The following GAS6 variants were observed in gnomAD, a reference collection of about 807,000 sequenced individuals.
GAS6 encodes the protein growth arrest specific 6.
Under a neutral mutation model 75.8 loss-of-function variants are expected in GAS6, and 41 were observed. The ratio of observed to expected loss-of-function variants is 0.54; its 90% confidence interval spans 0.42 to 0.70. GAS6 has a LOEUF of 0.70. GAS6 is among the 30% of genes least tolerant of loss of function. GAS6 has a pLI of 0.00. For missense variants in GAS6, 854 were observed against 940.2 expected, an observed-to-expected ratio of 0.91 and a Z score of 1.20; for synonymous variants, 432 against 412.6, an observed-to-expected ratio of 1.05 and a Z score of -0.57.
In GAS6 at chr13:113,834,438, C is replaced by A. The variant is rs937619457; in HGVS notation, c.834+113G>T. 46 of 1,132,940 alleles carry A rather than the reference C, an allele frequency of 4.1e-5. No homozygotes were observed. The South Asian group carries it at 5.0e-4, about 12-fold the overall frequency. 70.2% of individuals were successfully genotyped at this position (1,132,940 alleles called of 1,614,324 possible). Reference sequence around the variant, plus strand: ...AAACCTCCACATGGCCCTGGAGATCCCCAACACCTTAGCAAAGGCCAGGTC... The same window carrying A: ...AAACCTCCACATGGCCCTGGAGATCACCAACACCTTAGCAAAGGCCAGGTC... On this transcript the variant is annotated intron_variant, in intron 8 of 14. Coordinates refer to ENST00000327773, the MANE Select transcript of GAS6 (RefSeq NM_000820.4).
rs761345030 is a variant in GAS6, at chr13:113,828,556, G to A, written c.1299C>T (p.Leu433=). Residue 433 remains leucine (L), a synonymous_variant, in exon 11 of 15, where the codon CTC becomes CTT. Transcript: ENST00000327773. ...VGGIPFHEKD[L]VQPINPRLDG... ...CAGGTACAGTACTCACAGGCTGCAC[G>A]AGGTCCTTCTCATGGAAGGGAATAC... The A allele has an allele frequency of 1.1e-5, 17 of 1,613,150 alleles. No homozygotes were observed. Among genetic ancestry groups the A allele is most frequent in the Admixed American group, 3.3e-5 (2 of 59,958 alleles).
intron 10 of GAS6, 79 bp downstream of exon 10, chr13:113,832,220 T>C (rs1464456035): frequency 4.0e-5 from 59 of 1,467,616 alleles, no homozygotes; most frequent in Non-Finnish European, 4.0e-5. Flanking sequence ...CTCCTAACGG[T>C]TGCATAAGCG....
At position 113,828,538 on chromosome 13, in the gene GAS6, A is replaced by G. The variant is rs759948442; in HGVS notation, c.1308+9T>C. 7 of 1,612,466 alleles carry G rather than the reference A, an allele frequency of 4.3e-6. No homozygotes were observed. The highest frequency in any genetic ancestry group is 1.3e-5 in the African/African-American group (1 of 75,040). Reference sequence around the variant, plus strand: ...GGCGCGTCTACACAGGGACAGGTACAGTACTCACAGGCTGCACGAGGTCCT... The same window carrying G: ...GGCGCGTCTACACAGGGACAGGTACGGTACTCACAGGCTGCACGAGGTCCT... On this transcript the variant is annotated intron_variant, in intron 11 of 14. Coordinates refer to ENST00000327773, the MANE Select transcript of GAS6 (RefSeq NM_000820.4).
rs1034049071 is a variant in GAS6, at chr13:113,863,514, G to A, written c.255+61C>T. On this transcript the variant is annotated intron_variant, in intron 2 of 14. Transcript: ENST00000327773. This position sits in a 1 kb window ranked among gnomAD's most constrained non-coding sequence, Gnocchi z 9.4. ...GGGCGGCAGCAGCGCTGCCTCTCGG[G>A]AGCGGTTGGAGGCGCGCGGGCGCCA... 1.4e-5 allele frequency: 20 copies of A among 1,445,680 alleles called. No individual in the cohort carries two copies. Among genetic ancestry groups the A allele is most frequent in the Admixed American group, 2.6e-5 (1 of 38,184 alleles). The allele number at this position is 1,445,680 out of a possible 1,614,324, so 89.6% of individuals were successfully genotyped here. A position where few individuals can be genotyped will look rare whatever the true frequency, so the allele number is the denominator to read the frequency against.
At chr13:113,841,578 CCATA>C (rs1566366950) in intron 4 of GAS6, 1 of 163,584 alleles carries the variant, frequency 6.1e-6, no homozygotes, top group Non-Finnish European at 1.3e-5. Flanking sequence ...ACAGTTTCCT[CCATA>C]CGCCCCACAG....
At position 113,832,713 on chromosome 13, in the gene GAS6, C is replaced by A; in HGVS notation, c.874G>T (p.Val292Leu). The A allele has an allele frequency of 6.2e-7, 1 of 1,612,776 alleles. No individual in the cohort carries two copies. Among genetic ancestry groups the A allele is most frequent in the Non-Finnish European group, 8.5e-7 (1 of 1,179,978 alleles). Residue 292 changes from valine (V) to leucine (L), a missense_variant, in exon 9 of 15, where the codon GTG (valine) becomes TTG (leucine). Coordinates refer to ENST00000327773, the MANE Select transcript of GAS6 (RefSeq NM_000820.4). ...PCVPFSVAKS[V>L]KSLYLGRMFS... The stretch of plus-strand genomic sequence containing the variant: ...ATCCGGCCCAGGTACAAGGACTTCA[C>A]ACTCTTGGCCACGCTGAAGGGCACG...
Position 113,820,858 on chromosome 13 carries a change from G to T in GAS6, c.*6C>A, listed in dbSNP as rs2051444696. ...GACTGAGAAGCCTGCCGCGTCCCGTGGGGGCCTAGGCTGCGGCGGGCTCCA... is the reference window on the plus strand; with the variant it reads ...GACTGAGAAGCCTGCCGCGTCCCGTTGGGGCCTAGGCTGCGGCGGGCTCCA... On this transcript the variant is annotated 3_prime_UTR_variant, in exon 15 of 15. Transcript: ENST00000327773. 1 of 1,608,408 alleles carries T rather than the reference G, an allele frequency of 6.2e-7. No homozygotes were observed. Among genetic ancestry groups the T allele is most frequent in the Non-Finnish European group, 8.5e-7 (1 of 1,179,080 alleles).
At chr13:113,854,242 C>A (rs926719885) in intron 2 of GAS6, among the ~76,000 whole-genome samples, 3 of 152,220 alleles carry the variant, frequency 2.0e-5, no homozygotes. Flanking sequence ...CAGCTGTGAG[C>A]ACCCTCCATG....
intron 5 of GAS6, chr13:113,839,494 G>T (rs2051753122): frequency 4.1e-6 from 2 of 490,116 alleles, no homozygotes; most frequent in Non-Finnish European, 7.0e-6. Context: ...TTCAATCAGT[G>T]GGTGCTGAGG....
At chr13:113,826,397 A>C in intron 12 of GAS6, among the ~76,000 whole-genome samples, 1 of 146,712 alleles carries the variant, frequency 6.8e-6, no homozygotes. Flanking sequence ...CCTCGCAGGC[A>C]CCTTCTCTCC....
chr13:113,848,187 G>T lies in GAS6; in HGVS notation c.256-137C>A. The stretch of plus-strand genomic sequence containing the variant: ...GCCGCCCCACCCGGGGAACTGAGGG[G>T]AAGTGACCGGGGCACGACTGCTGTG... On this transcript the variant is annotated intron_variant, in intron 2 of 14. Coordinates refer to ENST00000327773, the MANE Select transcript of GAS6 (RefSeq NM_000820.4). The surrounding 1 kb of genome is among the most constrained non-coding windows in gnomAD (Gnocchi z 4.8). 1 of 852,044 alleles carries T rather than the reference G, an allele frequency of 1.2e-6. No homozygotes were observed. Among genetic ancestry groups the T allele is most frequent in the Non-Finnish European group, 1.9e-6 (1 of 527,068 alleles). 52.8% of individuals were successfully genotyped at this position (852,044 alleles called of 1,614,324 possible). A position where few individuals can be genotyped will look rare whatever the true frequency, so the allele number is the denominator to read the frequency against.
chr13:113,837,268 A>G lies in GAS6; in HGVS notation c.589+801T>C, dbSNP rs965776932. Among the ~76,000 whole-genome samples the G allele has an allele frequency of 3.3e-5, 5 of 152,034 alleles. No individual in the cohort carries two copies. The highest frequency in any genetic ancestry group is 1.2e-4 in the African/African-American group (5 of 41,368). On this transcript the variant is annotated intron_variant, in intron 6 of 14. Transcript: ENST00000327773. The surrounding 1 kb of genome is among the most constrained non-coding windows in gnomAD (Gnocchi z 5.1). ...GACAGAAATAGCAGCTGCCTTTTGA[A>G]ATCGGGGGATGGGGTGTGGCCCCTC...
At chr13:113,833,899 AGTG>A (rs2051663295) in intron 8 of GAS6, among the ~76,000 whole-genome samples, 1 of 146,634 alleles carries the variant, frequency 6.8e-6, no homozygotes, top group African/African-American at 2.6e-5. Context: ...TGTGACAGGC[AGTG>A]GTGTGACAGG....
chr13:113,835,906 T>A, intron 6 of GAS6: 1 of 1,077,866 alleles, frequency 9.3e-7, no homozygotes, highest in Non-Finnish European at 1.2e-6. Context: ...GGTGGAGGGG[T>A]GGGGGGCGGC....
intron 3 of GAS6, chr13:113,847,064 G>A (rs769285168): frequency 1.4e-5 from 7 of 496,976 alleles, no homozygotes; most frequent in East Asian, 5.7e-5. Context: ...GGGGGGAGGC[G>A]AGGCCTGGCA....
rs1453667162 is a variant in GAS6 at position 113,842,941 on chromosome 13, A to G, written c.344-3091T>C. On this transcript the variant is annotated intron_variant, in intron 4 of 14. Transcript: ENST00000327773. ...GGTGCCCAGCTCTTAAGCGGTCCCC[A>G]GACTCATGCCACCTGCCCCGGGGCC... The G allele has an allele frequency of 1.5e-5, 6 of 396,568 alleles. 1 individual carries two copies. Among genetic ancestry groups the G allele is most frequent in the African/African-American group, 1.3e-4 (6 of 47,068 alleles). 24.6% of individuals were successfully genotyped at this position (396,568 alleles called of 1,614,324 possible).
At chr13:113,827,781 T>TA (rs1270920500) in intron 11 of GAS6, among the ~76,000 whole-genome samples, 1 of 152,122 alleles carries the variant, frequency 6.6e-6, no homozygotes, top group East Asian at 1.9e-4. Flanking sequence ...GATGACGGCT[T>TA]AGACGTCAGC....
rs530396195 is a variant in GAS6, at chr13:113,842,459, C to T, written c.344-2609G>A. ...ATCAGCACAGCCGCCAGGAGCCGGC[C>T]GGGGCCCCATCCCTGACACTGCTGT... On this transcript the variant is annotated intron_variant, in intron 4 of 14. Coordinates refer to ENST00000327773, the MANE Select transcript of GAS6 (RefSeq NM_000820.4). 177 of 395,640 alleles carry T rather than the reference C, an allele frequency of 4.5e-4. 2 individuals are homozygous for T. The East Asian group carries it at 6.2e-3, about 14-fold the overall frequency. The allele number at this position is 395,640 out of a possible 1,614,324, so 24.5% of individuals were successfully genotyped here.
At chr13:113,852,369 G>A (rs2051882705) in intron 2 of GAS6, among the ~76,000 whole-genome samples, 1 of 152,176 alleles carries the variant, frequency 6.6e-6, no homozygotes, top group South Asian at 2.1e-4. Context: ...AGTGGAGCCG[G>A]TGCCTCCTCT....
Sources: allele counts gnomAD v4.1 joint callset (sites outside exome capture counted in the v4.1 genomes callset), GRCh38; gene constraint gnomAD v4.1.1; non-coding constraint Gnocchi (gnomAD v3.1); transcripts MANE v1.5; gene names NCBI Gene and HGNC (gene_info 2026-07-23, HGNC 2026-07-21).